The following XRN2 variants were observed in gnomAD, a reference collection of about 807,000 sequenced individuals.
The protein encoded by XRN2 is DHM1-like protein.
A neutral mutation model predicts 138.5 loss-of-function variants in XRN2; 44 were observed. The observed-to-expected ratio is 0.32, with a 90% confidence interval of 0.25 to 0.41. The LOEUF is 0.41. Among genes scored for constraint, XRN2 ranks in the 10% least tolerant of loss-of-function variants. XRN2 has a pLI of 1.00. For missense variants in XRN2, 937 were observed against 1,169.3 expected, an observed-to-expected ratio of 0.80 and a Z score of 2.90; for synonymous variants, 354 against 369.4, an observed-to-expected ratio of 0.96 and a Z score of 0.48.
intron 24 of XRN2, among the ~76,000 whole-genome samples, chr20:21,364,912 G>T (rs1459535827): frequency 6.6e-6 from 1 of 151,912 alleles, no homozygotes; most frequent in Non-Finnish European, 1.5e-5. Flanking sequence ...CAACTGTGAA[G>T]TTTAATTTTT....
At chr20:21,332,204 T>C in intron 8 of XRN2, 79 bp from the exon 9 acceptor site, 2 of 1,507,822 alleles carry the variant, frequency 1.3e-6, no homozygotes, top group South Asian at 1.3e-5. Flanking sequence ...TTCTTTGTGT[T>C]GGCATCTCAT....
intron 1 of XRN2, among the ~76,000 whole-genome samples, chr20:21,310,900 A>T (rs2037871276): frequency 6.6e-6 from 1 of 151,170 alleles, no homozygotes; most frequent in Non-Finnish European, 1.5e-5. Context: ...GCCCGCCACC[A>T]CGCCCGGCAA....
In XRN2 at chr20:21,354,890, T is replaced by C; in HGVS notation, c.2020+18T>C. The C allele has an allele frequency of 6.3e-7, 1 of 1,595,244 alleles. No individual in the cohort carries two copies. The highest frequency in any genetic ancestry group is 1.1e-5 in the South Asian group (1 of 89,780). The stretch of plus-strand genomic sequence containing the variant: ...AGAAGAGAGTAAGAATTATACTTCT[T>C]AGTTAACATTGATCTGTGTAATATA... On this transcript the variant is annotated intron_variant, in intron 21 of 29. Transcript: ENST00000377191.
At chr20:21,312,602 A>ATTTT (rs375836250) in intron 1 of XRN2, among the ~76,000 whole-genome samples, 1 of 137,282 alleles carries the variant, frequency 7.3e-6, no homozygotes, top group African/African-American at 2.8e-5. Context: ...AAACCCCAAG[A>ATTTT]TTTTTTTTTT....
At chr20:21,351,157 A>T (rs2038506066) in intron 20 of XRN2, among the ~76,000 whole-genome samples, 1 of 152,338 alleles carries the variant, frequency 6.6e-6, no homozygotes, top group Middle Eastern at 3.4e-3. Context: ...ATTGTGGTAT[A>T]CATTATTTCT....
intron 1 of XRN2, among the ~76,000 whole-genome samples, chr20:21,313,886 C>G (rs1306978901): frequency 6.6e-6 from 1 of 152,162 alleles, no homozygotes; most frequent in African/African-American, 2.4e-5. Flanking sequence ...ATGATTATTT[C>G]TTTGGAGCTG....
At chr20:21,349,660 T>G (rs896084058) in intron 20 of XRN2, among the ~76,000 whole-genome samples, 199 bp downstream of exon 20, 1 of 152,100 alleles carries the variant, frequency 6.6e-6, no homozygotes, top group Non-Finnish European at 1.5e-5. Flanking sequence ...GGAGGATTGC[T>G]TGAGTCTGGG....
chr20:21,317,913 T>C (rs568614990), intron 1 of XRN2, among the ~76,000 whole-genome samples: 1 of 152,356 alleles, frequency 6.6e-6, no homozygotes, highest in Admixed American at 6.5e-5. Context: ...TTTTTTCTTT[T>C]ATGTTTTTGT....
intron 26 of XRN2, among the ~76,000 whole-genome samples, chr20:21,368,227 T>C (rs2122317627): frequency 6.6e-6 from 1 of 152,368 alleles, no homozygotes; most frequent in Non-Finnish European, 1.5e-5. Context: ...ATGTAAGTTG[T>C]AAATATTTAA....
chr20:21,369,774 T>C (rs1317393916), intron 27 of XRN2, among the ~76,000 whole-genome samples: 1 of 152,210 alleles, frequency 6.6e-6, no homozygotes, highest in South Asian at 2.1e-4. Flanking sequence ...TATTAAACTC[T>C]TGTCAAATGG....
chr20:21,338,955 A>T, intron 13 of XRN2, 89 bp from the exon 14 acceptor site: 2 of 1,288,544 alleles, frequency 1.6e-6, no homozygotes, highest in Non-Finnish European at 1.1e-6. Context: ...TTTAAAACTT[A>T]AGTTGTCTCC....
chr20:21,377,057 G>A (rs1297973560), intron 27 of XRN2, among the ~76,000 whole-genome samples: 2 of 152,008 alleles, frequency 1.3e-5, no homozygotes, highest in Non-Finnish European at 2.9e-5. Flanking sequence ...TTAAGAGTTT[G>A]GACTTCCTAG....
At chr20:21,356,262 C>A (rs2038575369) in intron 22 of XRN2, 85 bp downstream of exon 22, 2 of 1,040,636 alleles carry the variant, frequency 1.9e-6, no homozygotes, top group Non-Finnish European at 2.8e-6. Flanking sequence ...CCATTATAAC[C>A]ATTTTTAAGT....
At chr20:21,311,950 G>T (rs2037886904) in intron 1 of XRN2, among the ~76,000 whole-genome samples, 1 of 152,072 alleles carries the variant, frequency 6.6e-6, no homozygotes, top group Non-Finnish European at 1.5e-5. Context: ...AGCTGAGATT[G>T]TTCCACTGCA....
chr20:21,346,609 T>A, intron 17 of XRN2, 59 bp downstream of exon 17: 1 of 1,574,362 alleles, frequency 6.4e-7, no homozygotes, highest in Non-Finnish European at 8.6e-7. Context: ...AAATAGTAAT[T>A]TCTTTTTTTT....
intron 20 of XRN2, among the ~76,000 whole-genome samples, 189 bp from the exon 21 acceptor site, chr20:21,354,596 ATTTT>A (rs1190376858): frequency 2.6e-5 from 4 of 152,190 alleles, no homozygotes; most frequent in African/African-American, 9.7e-5. Flanking sequence ...AATACGTAGA[ATTTT>A]TTCTTCTGCA....
chr20:21,313,053 A>G (rs576954302), intron 1 of XRN2, among the ~76,000 whole-genome samples: 1 of 152,366 alleles, frequency 6.6e-6, no homozygotes, highest in South Asian at 2.1e-4. Context: ...ACATGGCCAG[A>G]TAAGTTGGCA....
intron 26 of XRN2, among the ~76,000 whole-genome samples, chr20:21,368,060 A>G (rs1031319134): frequency 6.6e-6 from 1 of 152,228 alleles, no homozygotes; most frequent in Non-Finnish European, 1.5e-5. Flanking sequence ...AATTACAAAG[A>G]TGAAGAAAAG....
chr20:21,350,938 C>G (rs185282727), intron 20 of XRN2, among the ~76,000 whole-genome samples: 1 of 152,014 alleles, frequency 6.6e-6, no homozygotes, highest in Non-Finnish European at 1.5e-5. Flanking sequence ...ATTGGAGATT[C>G]GGGTTTTTCA....
Sources: allele counts gnomAD v4.1 joint callset (sites outside exome capture counted in the v4.1 genomes callset), GRCh38; gene constraint gnomAD v4.1.1; transcripts MANE v1.5; gene names NCBI Gene and HGNC (gene_info 2026-07-23, HGNC 2026-07-21).